COL4A4: variants seen among roughly 807,000 people sequenced by gnomAD.
The protein encoded by COL4A4 is collagen type IV alpha 4 chain, also known as collagen alpha-4(IV) chain.
In COL4A4, 105 loss-of-function variants were observed where a neutral mutation model predicts 192.9. That is an observed-to-expected ratio of 0.54 (90% CI 0.46 to 0.64). The LOEUF (loss-of-function observed/expected upper bound fraction) is 0.64, where lower values mean the gene tolerates loss of function less well. Among genes scored for constraint, COL4A4 ranks in the 30% least tolerant of loss-of-function variants. The pLI is 0.00. For synonymous variants in COL4A4, 762 were observed against 769.9 expected, an observed-to-expected ratio of 0.99 and a Z score of 0.17; for missense variants, 1,967 against 2,169.3, an observed-to-expected ratio of 0.91 and a Z score of 1.85.
At chr2:227,162,046 G>A (rs2064880345) in intron 1 of COL4A4, among the ~76,000 whole-genome samples, 1 of 152,182 alleles carries the variant, frequency 6.6e-6, no homozygotes, top group Non-Finnish European at 1.5e-5. Context: ...TGGGTATGGT[G>A]AGTATGTCTA....
At chr2:227,053,537 CTTTTTCTTTTTTTTTTT>C (rs1974597704) in intron 31 of COL4A4, among the ~76,000 whole-genome samples, 2 of 128,804 alleles carry the variant, frequency 1.6e-5, no homozygotes, top group Admixed American at 8.6e-5. Context: ...ACATTTTTTT[CTTTTTCTTTTTTTTTTT>C]TTTTTTTTTT....
intron 43 of COL4A4, chr2:227,022,432 G>C: frequency 1.4e-6 from 1 of 691,942 alleles, no homozygotes; most frequent in Non-Finnish European, 2.8e-6. Flanking sequence ...TGGAGTATCA[G>C]AGGATGCAGA....
chr2:227,111,002 G>A (rs10183948), intron 9 of COL4A4, among the ~76,000 whole-genome samples: 30,374 of 152,130 alleles, frequency 0.2, 4,945 homozygotes, highest in African/African-American at 0.44. Flanking sequence ...CTCAATTTTA[G>A]TCTTGTAAAC....
Position 227,101,567 on chromosome 2 carries a change from A to G in COL4A4, c.976-10T>C. On this transcript the variant is annotated splice_polypyrimidine_tract_variant and intron_variant, in intron 16 of 47. Coordinates refer to ENST00000396625, the MANE Select transcript of COL4A4 (RefSeq NM_000092.5). The stretch of plus-strand genomic sequence containing the variant: ...CCAGTCCTAGTTCTCCCTACAAACA[A>G]GCACAAACATGCCTTAAAAAAAAAA... 1 of 1,597,182 alleles carries G rather than the reference A, an allele frequency of 6.3e-7. No homozygotes were observed. The highest frequency in any genetic ancestry group is 1.5e-5 in the African/African-American group (1 of 67,678).
rs374356930 is a variant in COL4A4, at chr2:227,059,479, G to A, written c.2309C>T (p.Pro770Leu). 2.0e-5 allele frequency: 32 copies of A among 1,613,904 alleles called. No homozygotes were observed. Among genetic ancestry groups the A allele is most frequent in the African/African-American group, 1.1e-4 (8 of 74,896 alleles). Reference protein sequence around the residue: ...GDPAFGHLGPPGKRGLSGVPG... With the variant: ...GDPAFGHLGPLGKRGLSGVPG... ...CACTCCTGAAAGACCCCTCTTTCCC[G>A]GGGGTCCCAGGTGACCAAATGCAGG... Residue 770 changes from proline (P) to leucine (L), a missense_variant, in exon 28 of 48, where the codon CCG (proline) becomes CTG (leucine). Pro to Leu is a moderately conservative substitution (Grantham distance 98). Transcript: ENST00000396625.
intron 6 of COL4A4, among the ~76,000 whole-genome samples, 171 bp from the exon 7 acceptor site, chr2:227,118,932 T>G (rs1462540081): frequency 6.6e-6 from 1 of 152,206 alleles, no homozygotes; most frequent in Admixed American, 6.5e-5. Context: ...AAATAAAACC[T>G]AAATTTTTTT....
chr2:227,116,067 G>A (rs1366072180), intron 7 of COL4A4, among the ~76,000 whole-genome samples: 1 of 152,218 alleles, frequency 6.6e-6, no homozygotes, highest in African/African-American at 2.4e-5. Context: ...CTTTAATTAG[G>A]TGCTGCAGCT....
At chr2:227,018,090 G>T (rs1575779488) in intron 44 of COL4A4, among the ~76,000 whole-genome samples, 1 of 152,272 alleles carries the variant, frequency 6.6e-6, no homozygotes, top group East Asian at 1.9e-4. Context: ...CTTGAGGGTG[G>T]TATATGTGGT....
intron 4 of COL4A4, among the ~76,000 whole-genome samples, chr2:227,129,402 T>C (rs1218289564): frequency 1.4e-5 from 2 of 146,790 alleles, no homozygotes; most frequent in Non-Finnish European, 3.0e-5. Context: ...GGTGATGTCT[T>C]CTAGTATACT....
the COL4A4 span, among the ~76,000 whole-genome samples, chr2:226,980,782 G>T: frequency 1.3e-5 from 2 of 152,104 alleles, no homozygotes; most frequent in Non-Finnish European, 2.9e-5. Context: ...CCTAATTCTA[G>T]GTTCCTAACT....
chr2:227,131,381 T>C (rs1002862255), intron 4 of COL4A4, among the ~76,000 whole-genome samples: 2 of 152,160 alleles, frequency 1.3e-5, no homozygotes, highest in African/African-American at 4.8e-5. Flanking sequence ...GATGTTGAAC[T>C]CCTGACCTCA....
At chr2:227,053,053 T>A (rs989527908) in intron 31 of COL4A4, among the ~76,000 whole-genome samples, 1 of 151,430 alleles carries the variant, frequency 6.6e-6, no homozygotes, top group East Asian at 1.9e-4. Context: ...ATTTATGCCA[T>A]GACACTCAGC....
chr2:227,043,144 A>C lies in COL4A4; in HGVS notation c.3330T>G (p.Ile1110Met). ...GASGEQGLPG[I>M]QGPRGSPGRP... is the part of the protein sequence containing the mutation. Reference sequence around the variant, plus strand: ...TTCCAGGTGATCCTCTGGGCCCTTGAATACCAGGCAAGCCCTGCTCTCCGG... The same window carrying C: ...TTCCAGGTGATCCTCTGGGCCCTTGCATACCAGGCAAGCCCTGCTCTCCGG... Residue 1110 changes from isoleucine (I) to methionine (M), a missense_variant, in exon 36 of 48, where the codon ATT (isoleucine) becomes ATG (methionine). By Grantham distance (10) the Ile-to-Met change is conservative (BLOSUM62 1). Coordinates refer to ENST00000396625, the MANE Select transcript of COL4A4 (RefSeq NM_000092.5). The C allele has an allele frequency of 6.2e-7, 1 of 1,614,160 alleles. No individual in the cohort carries two copies. Among genetic ancestry groups the C allele is most frequent in the Non-Finnish European group, 8.5e-7 (1 of 1,180,020 alleles).
chr2:227,052,513 C>G (rs1418778277), intron 31 of COL4A4, 101 bp from the exon 32 acceptor site: 1 of 753,634 alleles, frequency 1.3e-6, no homozygotes, highest in Non-Finnish European at 2.4e-6. Context: ...TCCCACTTAA[C>G]CTACGAAGCT....
intron 22 of COL4A4, 87 bp downstream of exon 22, chr2:227,088,566 T>C (rs1433346590): frequency 2.6e-6 from 4 of 1,513,974 alleles, no homozygotes; most frequent in African/African-American, 2.7e-5. Context: ...AATTACCTAG[T>C]CTTGGGTAGT....
chr2:227,022,110 G>A lies in COL4A4; in HGVS notation c.4154C>T (p.Pro1385Leu). Residue 1385 changes from proline to leucine, a missense_variant, in exon 44 of 48, where the codon CCA (proline) becomes CTA (leucine). Transcript: ENST00000396625. ...CPRIPGLPGA[P>L]GMRGPEGAMG... is the part of the protein sequence containing the mutation. ...GGCTCCTTCTGGTCCTCTCATGCCT[G>A]GCGCCCCAGGAAGGCCTGGGATTCG... 1 of 1,614,114 alleles carries A rather than the reference G, an allele frequency of 6.2e-7. No homozygotes were observed. Among genetic ancestry groups the A allele is most frequent in the Non-Finnish European group, 8.5e-7 (1 of 1,180,000 alleles).
intron 25 of COL4A4, among the ~76,000 whole-genome samples, chr2:227,064,920 C>T (rs1397801575): frequency 6.6e-6 from 1 of 152,228 alleles, no homozygotes; most frequent in Non-Finnish European, 1.5e-5. Context: ...CAGTCTACAG[C>T]TCCCAGCGCG....
At chr2:227,084,683 C>T (rs925266767) in intron 22 of COL4A4, among the ~76,000 whole-genome samples, 6 of 152,126 alleles carry the variant, frequency 3.9e-5, no homozygotes, top group Non-Finnish European at 8.8e-5. Flanking sequence ...ACTGAGAATA[C>T]AGCAGTTAAC....
chr2:227,158,391 A>G (rs940676183), intron 1 of COL4A4, among the ~76,000 whole-genome samples: 15 of 152,188 alleles, frequency 9.9e-5, no homozygotes, highest in Non-Finnish European at 2.1e-4. Flanking sequence ...AAGAAAACAT[A>G]GGAGAAAATT....
Sources: gnomAD v4.1 joint callset for allele counts (sites outside exome capture counted in the v4.1 genomes callset) on GRCh38, gnomAD v4.1.1 for gene constraint, MANE v1.5 for transcripts, NCBI Gene and HGNC (gene_info 2026-07-23, HGNC 2026-07-21) for gene names.